Variants in GBP5 observed in about 807,000 individuals in gnomAD.
The protein encoded by GBP5 is guanylate binding protein 5.
A neutral mutation model predicts 58.2 loss-of-function variants in GBP5; 48 were observed. The ratio of observed to expected loss-of-function variants is 0.83; its 90% CI spans 0.65 to 1.05. The LOEUF (loss-of-function observed/expected upper bound fraction) is 1.05. Ranked by LOEUF, GBP5 falls within the 50% of genes least tolerant of loss-of-function variation. The pLI, the probability that GBP5 is intolerant of heterozygous loss-of-function variation, is 0.00. For missense variants in GBP5, 714 were observed against 686.8 expected (o/e 1.04, Z -0.44); for synonymous variants, 248 against 251.8 (o/e 0.98, Z 0.14).
chr1:89,265,552 C>T (rs564389920), intron 7 of GBP5, among the ~76,000 whole-genome samples: 3 of 151,444 alleles, frequency 2.0e-5, no homozygotes, highest in Admixed American at 6.6e-5. Context: ...CACGGTGAAA[C>T]CCCACCTCTA....
rs186974399 is a variant in GBP5 at position 89,263,881 on chromosome 1, G to C, written c.1217C>G (p.Ser406Trp). Reference protein sequence around the residue: ...RNLEASSDYCSALLKDIFGPL... With the variant: ...RNLEASSDYCWALLKDIFGPL... The stretch of plus-strand genomic sequence containing the variant: ...ACCAAAAATATCCTTAAGTAAAGCC[G>C]AGCAATAATCCGAGGATGCTTCCAG... Residue 406 changes from serine (S) to tryptophan (W), a missense_variant, in exon 9 of 12, where the codon TCG (serine) becomes TGG (tryptophan). Coordinates refer to ENST00000370459, the MANE Select transcript of GBP5 (RefSeq NM_052942.5). 3.7e-6 allele frequency: 6 copies of C among 1,612,426 alleles called. No homozygotes were observed. The highest frequency in any genetic ancestry group is 1.7e-5 in the Admixed American group (1 of 59,760).
chr1:89,261,595 T>C (rs1444060711), intron 11 of GBP5, among the ~76,000 whole-genome samples: 7 of 152,184 alleles, frequency 4.6e-5, no homozygotes, highest in Non-Finnish European at 8.8e-5. Flanking sequence ...TGCTTTACAG[T>C]GAATGGATTA....
chr1:89,264,611 G>T, intron 8 of GBP5, 75 bp downstream of exon 8: 3 of 1,308,508 alleles, frequency 2.3e-6, no homozygotes, highest in Non-Finnish European at 3.2e-6. Context: ...TCTTAGCTAA[G>T]TCCTATTTTA....
chr1:89,260,764 G>A lies in GBP5; in HGVS notation c.1701C>T (p.Leu567=). Residue 567 remains leucine, a synonymous_variant, in exon 12 of 12, where the codon CTC becomes CTT. Transcript: ENST00000370459. The part of the protein sequence containing the change: ...TTFQAQNRSL[L]SELQHAQRTV... ...TCCTCTGGGCGTGCTGGAGCTCACT[G>A]AGAAGGCTTCTATTTTGAGCTTGGA... The A allele has an allele frequency of 6.2e-7, 1 of 1,614,090 alleles. No individual in the cohort carries two copies. The highest frequency in any genetic ancestry group is 8.5e-7 in the Non-Finnish European group (1 of 1,179,976).
rs967545950 is a variant in GBP5, at chr1:89,256,853, C to T, written c.*3851G>A. Among the ~76,000 whole-genome samples, 1 of 152,132 alleles carries T rather than the reference C, an allele frequency of 6.6e-6. No individual in the cohort carries two copies. Among genetic ancestry groups the T allele is most frequent in the African/African-American group, 2.4e-5 (1 of 41,420 alleles). ...CAGTAGTCCCAACCTACTAAGAAGTCTATCTTTACCCTGTATTATTCCTAT... is the reference window on the plus strand; with the variant it reads ...CAGTAGTCCCAACCTACTAAGAAGTTTATCTTTACCCTGTATTATTCCTAT... On this transcript the variant is annotated 3_prime_UTR_variant, in exon 12 of 12. Transcript: ENST00000370459.
Position 89,258,312 on chromosome 1 carries a change from G to A in GBP5, c.*2392C>T, listed in dbSNP as rs74098375. Among the ~76,000 whole-genome samples, 1,201 of 152,260 alleles carry A rather than the reference G, an allele frequency of 7.9e-3. 13 individuals are homozygous for A. The highest frequency in any genetic ancestry group is 0.028 in the African/African-American group (1,152 of 41,540). On this transcript the variant is annotated 3_prime_UTR_variant, in exon 12 of 12. Transcript: ENST00000370459. ...AACCTTAAATGACTTAATTTTCTGA[G>A]TCTCAGGATTTTAAAAAATTTCTTT...
intron 9 of GBP5, 191 bp from the exon 10 acceptor site, chr1:89,262,976 G>GCGGCGACCACC: frequency 2.3e-6 from 1 of 436,316 alleles, no homozygotes. Context: ...AATTGAGACT[G>GCGGCGACCACC]GAGAGGCTTG....
chr1:89,268,905 G>T, intron 3 of GBP5, 49 bp from the exon 4 acceptor site: 1 of 1,594,050 alleles, frequency 6.3e-7, no homozygotes, highest in South Asian at 1.1e-5. Context: ...TCTGGAAATT[G>T]GGGATTTGCT....
At chr1:89,260,898 C>G (rs1315110519) in intron 11 of GBP5, 81 bp from the exon 12 acceptor site, 1 of 954,774 alleles carries the variant, frequency 1.0e-6, no homozygotes, top group East Asian at 2.4e-5. Context: ...TTCTTTTCAT[C>G]TACAGTAGCA....
chr1:89,268,194 C>T (rs114294660), intron 4 of GBP5, among the ~76,000 whole-genome samples: 2,188 of 152,262 alleles, frequency 0.014, 53 homozygotes, highest in African/African-American at 0.05. Flanking sequence ...TCAAGTGCTA[C>T]AAATCATGGT....
chr1:89,263,517 G>GT, intron 9 of GBP5: 1 of 471,350 alleles, frequency 2.1e-6, no homozygotes. Context: ...TGATGGTTCA[G>GT]TTTAACCCCA....
rs535223332 is a variant in GBP5 at position 89,270,548 on chromosome 1, A to T, written c.-20+207T>A. Reference sequence around the variant, plus strand: ...CTTCCTCATAGCTAATGCCCTGGAAATCATTATGTTGACATAAATTAAAAC... The same window carrying T: ...CTTCCTCATAGCTAATGCCCTGGAATTCATTATGTTGACATAAATTAAAAC... On this transcript the variant is annotated intron_variant, in intron 2 of 11. Coordinates refer to ENST00000370459, the MANE Select transcript of GBP5 (RefSeq NM_052942.5). The T allele has an allele frequency of 2.6e-5, 4 of 152,350 alleles. No individual in the cohort carries two copies. The South Asian group carries it at 8.3e-4, about 32-fold the overall frequency. 9.4% of individuals were successfully genotyped at this position (152,350 alleles called of 1,614,324 possible).
In GBP5 at chr1:89,263,595, G is replaced by C. The variant is rs547270035; in HGVS notation, c.1362+141C>G. 233 of 598,280 alleles carry C rather than the reference G, an allele frequency of 3.9e-4. 3 individuals carry two copies. In the East Asian group the frequency reaches 6.0e-3, roughly 15 times the overall value. 37.1% of individuals were successfully genotyped at this position (598,280 alleles called of 1,614,324 possible). A position where few individuals can be genotyped will look rare whatever the true frequency, so the allele number is the denominator to read the frequency against. On this transcript the variant is annotated intron_variant, in intron 9 of 11. Coordinates refer to ENST00000370459, the MANE Select transcript of GBP5 (RefSeq NM_052942.5). ...CCAGGCACATTGTTTTTCCATAAAT[G>C]CTTATTCAAGAAAAGGATTACTACT...
Position 89,256,358 on chromosome 1 carries a change from A to G in GBP5, c.*4346T>C, listed in dbSNP as rs1208561375. Among the ~76,000 whole-genome samples the G allele has an allele frequency of 6.6e-6, 1 of 152,234 alleles. No homozygotes were observed. The highest frequency in any genetic ancestry group is 1.5e-5 in the Non-Finnish European group (1 of 68,026). Reference sequence around the variant, plus strand: ...AGAAAATAGTTGTGAAAGTTGTGATATTAGTTGGCTCTAGCAGGGTTGTCA... The same window carrying G: ...AGAAAATAGTTGTGAAAGTTGTGATGTTAGTTGGCTCTAGCAGGGTTGTCA... On this transcript the variant is annotated 3_prime_UTR_variant, in exon 12 of 12. Coordinates refer to ENST00000370459, the MANE Select transcript of GBP5 (RefSeq NM_052942.5).
In GBP5 at chr1:89,264,804, G is replaced by A. The variant is rs1329223065; in HGVS notation, c.1031C>T (p.Pro344Leu). The change falls in exon 8 of 12, where the codon CCC (proline) becomes CTC (leucine). Residue 344 changes from proline (P) to leucine (L), a missense_variant. Pro to Leu is a moderately conservative substitution (Grantham distance 98). Transcript: ENST00000370459. ...CAGCAGCTCCTGGAGGGTTTCCATGGGCAGCTGCACTTTCTGGCCCATTTG... is the reference window on the plus strand; with the variant it reads ...CAGCAGCTCCTGGAGGGTTTCCATGAGCAGCTGCACTTTCTGGCCCATTTG... ...DQQMGQKVQLPMETLQELLDL... is the reference protein window; with the variant it reads ...DQQMGQKVQLLMETLQELLDL... 1.9e-6 allele frequency: 3 copies of A among 1,614,142 alleles called. No homozygotes were observed. Among genetic ancestry groups the A allele is most frequent in the Non-Finnish European group, 2.5e-6 (3 of 1,180,024 alleles).
chr1:89,272,150 C>T (rs941292600), intron 1 of GBP5: 1 of 151,910 alleles, frequency 6.6e-6, no homozygotes, highest in Non-Finnish European at 1.5e-5. Context: ...TTATGAAGGA[C>T]GAAGGTAACT....
At chr1:89,264,149 A>T (rs1244759866) in intron 8 of GBP5, among the ~76,000 whole-genome samples, 1 of 152,074 alleles carries the variant, frequency 6.6e-6, no homozygotes, top group African/African-American at 2.4e-5. Context: ...TTGGGTTTGA[A>T]TCTCTTGTTA....
chr1:89,263,075 A>G (rs1650075937), intron 9 of GBP5: 1 of 245,718 alleles, frequency 4.1e-6, no homozygotes, highest in Non-Finnish European at 7.8e-6. Flanking sequence ...ACTTGTTCAC[A>G]GGGAGAAAAA....
Position 89,263,863 on chromosome 1 carries a change from AT to A in GBP5, c.1234del (p.Ile412PhefsTer5). On this transcript the variant is annotated frameshift_variant, in exon 9 of 12. Coordinates refer to ENST00000370459, the MANE Select transcript of GBP5 (RefSeq NM_052942.5). LOFTEE classifies it high-confidence loss of function. Reference protein sequence around the residue: ...SDYCSALLKDIFGPLEEAVKQ... With the variant: ...SDYCSALLKDXFGPLEEAVKQ... ...CACTGCTTCTTCTAGAGGACCAAAA[AT>A]ATCCTTAAGTAAAGCCGAGCAATAA... is the stretch of plus-strand genomic sequence containing the variant. 6.2e-7 allele frequency: 1 copy of A among 1,613,004 alleles called. No individual in the cohort carries two copies. The highest frequency in any genetic ancestry group is 8.5e-7 in the Non-Finnish European group (1 of 1,179,580).
Sources: allele counts gnomAD v4.1 joint callset (sites outside exome capture counted in the v4.1 genomes callset), GRCh38; gene constraint gnomAD v4.1.1; transcripts MANE v1.5; gene names NCBI Gene and HGNC (gene_info 2026-07-23, HGNC 2026-07-21).